The following A1CF variants were observed in gnomAD, a reference collection of about 807,000 sequenced individuals.
A1CF encodes the protein APOBEC1 complementation factor.
In A1CF, 48 loss-of-function variants were observed where a neutral mutation model predicts 68.9. The ratio of observed to expected loss-of-function variants is 0.70; its 90% CI spans 0.55 to 0.89. A1CF has a LOEUF of 0.89. Among genes scored for constraint, A1CF ranks in the 40% least tolerant of loss-of-function variants. The probability of loss-of-function intolerance (pLI) is 0.00; values close to 1 mark genes in which losing one functional copy is unlikely to be tolerated. For missense variants in A1CF, 653 were observed against 718.9 expected, an observed-to-expected ratio of 0.91 and a Z score of 1.05; for synonymous variants, 272 against 260.4, an observed-to-expected ratio of 1.04 and a Z score of -0.43.
At position 50,806,672 on chromosome 10, in the gene A1CF, C is replaced by CTT; in HGVS notation, c.*55_*56dup. ...TGGGGACCGAGTTAGAGGTTTATTT[C>CTT]TTTTTTTTTTTTAATAGAGTTTTGT... On this transcript the variant is annotated 3_prime_UTR_variant, in exon 13 of 13. Transcript: ENST00000373997. 87 of 1,120,354 alleles carry CTT rather than the reference C, an allele frequency of 7.8e-5. No individual in the cohort carries two copies. Among genetic ancestry groups the CTT allele is most frequent in the Middle Eastern group, 4.7e-4 (2 of 4,250 alleles). 69.4% of individuals were successfully genotyped at this position (1,120,354 alleles called of 1,614,324 possible).
chr10:50,827,274 C>T (rs1409727621), intron 7 of A1CF, among the ~76,000 whole-genome samples: 1 of 152,152 alleles, frequency 6.6e-6, no homozygotes. Flanking sequence ...AGCTCTGCAC[C>T]AAGCGGACCT....
At chr10:50,833,204 A>C (rs914758985) in intron 6 of A1CF, among the ~76,000 whole-genome samples, 1 of 152,188 alleles carries the variant, frequency 6.6e-6, no homozygotes, top group Non-Finnish European at 1.5e-5. Flanking sequence ...TCATTGATTC[A>C]AATCATGGGT....
At chr10:50,835,030 G>C (rs775196781) in intron 6 of A1CF, among the ~76,000 whole-genome samples, 1 of 152,180 alleles carries the variant, frequency 6.6e-6, no homozygotes, top group Non-Finnish European at 1.5e-5. Context: ...CTGTGATTTA[G>C]ATGACTTGAC....
chr10:50,805,651 A>G lies in A1CF; in HGVS notation c.*1078T>C, dbSNP rs1242293651. 1 of 152,240 alleles carries G rather than the reference A, an allele frequency of 6.6e-6. No individual in the cohort carries two copies. The highest frequency in any genetic ancestry group is 1.5e-5 in the Non-Finnish European group (1 of 68,042). 9.4% of individuals were successfully genotyped at this position (152,240 alleles called of 1,614,324 possible). On this transcript the variant is annotated 3_prime_UTR_variant, in exon 13 of 13. Transcript: ENST00000373997. ...ACTGAAACAAAAAGGAAGGAAAGTT[A>G]GAGGATTTCCTGGCAGATTTAAAAT...
intron 3 of A1CF, among the ~76,000 whole-genome samples, chr10:50,848,395 C>T (rs534987699): frequency 7.1e-4 from 108 of 152,238 alleles, no homozygotes; most frequent in African/African-American, 2.5e-3. Flanking sequence ...ATATATAGTA[C>T]TCAAAAATTG....
chr10:50,841,773 G>A lies in A1CF; in HGVS notation c.365+89C>T. The A allele has an allele frequency of 3.5e-6, 5 of 1,425,930 alleles. No individual in the cohort carries two copies. In the South Asian group the frequency reaches 6.5e-5, roughly 19 times the overall value. 88.3% of individuals were successfully genotyped at this position (1,425,930 alleles called of 1,614,324 possible). ...TCATTTCTGGCTTGGCTTTTTTTTT[G>A]GCATACACCATATTAGATAAACTTG... is the stretch of plus-strand genomic sequence containing the variant. On this transcript the variant is annotated intron_variant, in intron 5 of 12. Transcript: ENST00000373997.
At chr10:50,868,617 G>A (rs143875193) in intron 1 of A1CF, among the ~76,000 whole-genome samples, 150 of 152,112 alleles carry the variant, frequency 9.9e-4, no homozygotes, top group Non-Finnish European at 1.2e-4. Flanking sequence ...TATTAATTTG[G>A]AACTTGTCAA....
At chr10:50,868,212 T>A (rs1841086092) in intron 1 of A1CF, among the ~76,000 whole-genome samples, 1 of 152,184 alleles carries the variant, frequency 6.6e-6, no homozygotes, top group Non-Finnish European at 1.5e-5. Flanking sequence ...CCCTTGAGTA[T>A]CTCCTGGGAA....
At chr10:50,838,066 G>A (rs1839596394) in intron 5 of A1CF, among the ~76,000 whole-genome samples, 1 of 152,092 alleles carries the variant, frequency 6.6e-6, no homozygotes, top group Admixed American at 6.6e-5. Flanking sequence ...TATGACTTTT[G>A]TAATAACACT....
chr10:50,884,291 C>A (rs991964536), intron 1 of A1CF, among the ~76,000 whole-genome samples: 1 of 152,150 alleles, frequency 6.6e-6, no homozygotes, highest in African/African-American at 2.4e-5. Context: ...AACAATATTT[C>A]TTTTCCTTGC....
chr10:50,857,949 C>T (rs959877363), intron 3 of A1CF, among the ~76,000 whole-genome samples: 2 of 152,144 alleles, frequency 1.3e-5, no homozygotes, highest in Non-Finnish European at 2.9e-5. Context: ...TCACAAGCTT[C>T]GATACCTGTC....
chr10:50,851,971 AG>A (rs1281093523), intron 3 of A1CF, among the ~76,000 whole-genome samples: 1 of 152,232 alleles, frequency 6.6e-6, no homozygotes, highest in Non-Finnish European at 1.5e-5. Context: ...CTAAGCTTTC[AG>A]GTTCTGAAGA....
At chr10:50,820,787 C>T in intron 7 of A1CF, 138 bp from the exon 8 acceptor site, 2 of 553,806 alleles carry the variant, frequency 3.6e-6, no homozygotes, top group East Asian at 6.3e-5. Flanking sequence ...TCATCAAGAA[C>T]ATTCAACAGA....
At chr10:50,870,414 A>T (rs1223000681) in intron 1 of A1CF, among the ~76,000 whole-genome samples, 1 of 151,920 alleles carries the variant, frequency 6.6e-6, no homozygotes, top group African/African-American at 2.4e-5. Context: ...TCAGCTGGCA[A>T]TCCTGACAAG....
chr10:50,884,877 CA>C (rs919336149), intron 1 of A1CF, among the ~76,000 whole-genome samples: 76 of 151,768 alleles, frequency 5.0e-4, no homozygotes, highest in African/African-American at 1.6e-3. Context: ...TTGGAGTACA[CA>C]AAAAAAATAT....
rs1216292363 is a variant in A1CF at position 50,803,243 on chromosome 10, C to A, written c.*3486G>T. ...AGCTGGGACCACAGGCCCACGCCAC[C>A]ACAACTGGCCAATTAAATTAAATTT... On this transcript the variant is annotated 3_prime_UTR_variant, in exon 13 of 13. Transcript: ENST00000373997. 1.3e-5 allele frequency: 2 copies of A among 151,670 alleles called. No individual in the cohort carries two copies. Among genetic ancestry groups the A allele is most frequent in the Non-Finnish European group, 2.9e-5 (2 of 68,016 alleles). The allele number at this position is 151,670 out of a possible 1,614,324, so 9.4% of individuals were successfully genotyped here. A position where few individuals can be genotyped will look rare whatever the true frequency, so the allele number is the denominator to read the frequency against.
intron 1 of A1CF, among the ~76,000 whole-genome samples, chr10:50,874,071 AT>A (rs1366227375): frequency 6.6e-6 from 1 of 152,110 alleles, no homozygotes; most frequent in Non-Finnish European, 1.5e-5. Flanking sequence ...GAGGAGGCAT[AT>A]TTTCTCAATT....
intron 6 of A1CF, among the ~76,000 whole-genome samples, chr10:50,832,185 T>C (rs10994643): frequency 0.016 from 2,493 of 152,198 alleles, 53 homozygotes; most frequent in African/African-American, 0.056. Flanking sequence ...GACAGATAAA[T>C]AGATAAAGAA....
intron 12 of A1CF, 115 bp downstream of exon 12, chr10:50,809,779 C>CA (rs1395617498): frequency 6.9e-7 from 1 of 1,459,612 alleles, no homozygotes; most frequent in Non-Finnish European, 9.2e-7. Context: ...CAAGGTTGTG[C>CA]AAGTCAGATT....
Sources: allele counts gnomAD v4.1 joint callset (sites outside exome capture counted in the v4.1 genomes callset), GRCh38; gene constraint gnomAD v4.1.1; transcripts MANE v1.5; gene names NCBI Gene and HGNC (gene_info 2026-07-23, HGNC 2026-07-21).